Variants in FAM114A1 observed in about 807,000 individuals in gnomAD.
FAM114A1 encodes the protein family with sequence similarity 114 member A1.
A neutral mutation model predicts 64.3 loss-of-function variants in FAM114A1; 62 were observed. The observed-to-expected ratio is 0.96, with a 90% CI of 0.79 to 1.19. The LOEUF (loss-of-function observed/expected upper bound fraction) is 1.19, where lower values mean the gene tolerates loss of function less well. Ranked by LOEUF, FAM114A1 falls within the 50% of genes most tolerant of loss-of-function variation. The probability of loss-of-function intolerance (pLI) is 0.00; values close to 1 mark genes in which losing one functional copy is unlikely to be tolerated. For synonymous variants in FAM114A1, 254 were observed against 251.1 expected (o/e 1.01, Z -0.11); for missense variants, 645 against 676.3 (o/e 0.95, Z 0.51).
At chr4:38,890,320 G>A (rs142780910) in intron 3 of FAM114A1, among the ~76,000 whole-genome samples, 3,456 of 151,126 alleles carry the variant, frequency 0.023, 132 homozygotes, top group African/African-American at 0.077. Flanking sequence ...GGAGAATGGC[G>A]TGAACCCGGG....
At chr4:38,885,632 A>G (rs1331477198) in intron 3 of FAM114A1, among the ~76,000 whole-genome samples, 1 of 152,180 alleles carries the variant, frequency 6.6e-6, no homozygotes, top group African/African-American at 2.4e-5. Context: ...TGAGAATGCT[A>G]GTAAATAGTC....
At chr4:38,935,922 G>A in intron 13 of FAM114A1, 132 bp downstream of exon 13, 1 of 668,650 alleles carries the variant, frequency 1.5e-6, no homozygotes, top group Non-Finnish European at 2.6e-6. Flanking sequence ...CTGAAGTCAG[G>A]CCAAGAGTAA....
intron 7 of FAM114A1, among the ~76,000 whole-genome samples, chr4:38,908,975 G>C (rs1718288300): frequency 6.6e-6 from 1 of 152,142 alleles, no homozygotes; most frequent in Non-Finnish European, 1.5e-5. Context: ...TAGATCTATA[G>C]ATGCAGCTAT....
intron 11 of FAM114A1, among the ~76,000 whole-genome samples, chr4:38,931,997 T>A (rs1219498937): frequency 6.6e-6 from 1 of 152,204 alleles, no homozygotes; most frequent in Non-Finnish European, 1.5e-5. Context: ...TACCCAGCAT[T>A]GCTGTAAGCA....
At chr4:38,920,618 G>T (rs558422924) in intron 8 of FAM114A1, among the ~76,000 whole-genome samples, 1 of 152,270 alleles carries the variant, frequency 6.6e-6, no homozygotes, top group East Asian at 1.9e-4. Context: ...ATTGCCATCC[G>T]CCAGAAGACA....
intron 3 of FAM114A1, among the ~76,000 whole-genome samples, chr4:38,888,062 C>T (rs1413284401): frequency 6.6e-6 from 1 of 152,048 alleles, no homozygotes; most frequent in African/African-American, 2.4e-5. Context: ...CATATGTTTT[C>T]CATCTAAATG....
chr4:38,886,633 G>C (rs1427888983), intron 3 of FAM114A1, among the ~76,000 whole-genome samples: 2 of 151,834 alleles, frequency 1.3e-5, no homozygotes, highest in Non-Finnish European at 2.9e-5. Flanking sequence ...AGCATGTATA[G>C]AAATGTAGCC....
At chr4:38,931,025 A>G (rs1278340872) in intron 10 of FAM114A1, among the ~76,000 whole-genome samples, 2 of 152,206 alleles carry the variant, frequency 1.3e-5, no homozygotes, top group East Asian at 1.9e-4. Flanking sequence ...TTCCTGAAAT[A>G]TATCAGATGA....
At position 38,878,284 on chromosome 4, in the gene FAM114A1, C is replaced by T. The variant is rs762037660; in HGVS notation, c.206C>T (p.Pro69Leu). The T allele has an allele frequency of 6.2e-7, 1 of 1,614,102 alleles. No homozygotes were observed. Among genetic ancestry groups the T allele is most frequent in the African/African-American group, 1.3e-5 (1 of 74,940 alleles). The change falls in exon 3 of 15, where the codon CCT (proline) becomes CTT (leucine). Residue 69 changes from proline (P) to leucine (L), a missense_variant. By Grantham distance (98) the Pro-to-Leu change is moderately conservative. Coordinates refer to ENST00000358869, the MANE Select transcript of FAM114A1 (RefSeq NM_138389.4). ...QGAGAAAIGP[P>L]VQPQDANALE... is the part of the protein sequence containing the mutation. ...GCAGGGGCTGCCGCCATTGGGCCCC[C>T]TGTGCAGCCTCAGGATGCCAACGCC...
intron 6 of FAM114A1, among the ~76,000 whole-genome samples, chr4:38,907,553 TC>T (rs1718142394): frequency 6.6e-6 from 1 of 152,164 alleles, no homozygotes; most frequent in East Asian, 1.9e-4. Flanking sequence ...ATTGCTGCTG[TC>T]CCATCATCCC....
intron 9 of FAM114A1, among the ~76,000 whole-genome samples, chr4:38,928,804 C>T (rs574835564): frequency 1.3e-5 from 2 of 152,256 alleles, no homozygotes; most frequent in East Asian, 3.9e-4. Context: ...CACCTGGGTA[C>T]CATTAGGGTT....
At chr4:38,870,276 C>T (rs114746387) in intron 2 of FAM114A1, among the ~76,000 whole-genome samples, 3,494 of 152,298 alleles carry the variant, frequency 0.023, 141 homozygotes, top group Admixed American at 0.089. Flanking sequence ...TGCTCTCATC[C>T]CACCAGGCCT....
intron 4 of FAM114A1, among the ~76,000 whole-genome samples, chr4:38,893,200 G>T (rs1365432806): frequency 2.0e-5 from 3 of 152,268 alleles, no homozygotes; most frequent in Non-Finnish European, 4.4e-5. Flanking sequence ...TTTGAACTTA[G>T]TGGCTATCAA....
intron 10 of FAM114A1, among the ~76,000 whole-genome samples, chr4:38,929,879 T>C (rs1720488643): frequency 1.3e-5 from 2 of 152,258 alleles, no homozygotes; most frequent in Admixed American, 1.3e-4. Flanking sequence ...TGCATTTTAG[T>C]TGTAATTTTA....
intron 4 of FAM114A1, among the ~76,000 whole-genome samples, chr4:38,893,376 A>G (rs1007046532): frequency 2.6e-5 from 4 of 152,264 alleles, no homozygotes; most frequent in Admixed American, 2.0e-4. Flanking sequence ...TAAAACAGTC[A>G]TGTGTCCTGG....
intron 3 of FAM114A1, among the ~76,000 whole-genome samples, chr4:38,880,171 A>G (rs1175956496): frequency 3.1e-4 from 44 of 143,180 alleles, no homozygotes; most frequent in Non-Finnish European, 1.6e-5. Flanking sequence ...AATAGAATAG[A>G]ATAGAAAATA....
At chr4:38,881,040 C>G (rs1715216500) in intron 3 of FAM114A1, among the ~76,000 whole-genome samples, 1 of 151,972 alleles carries the variant, frequency 6.6e-6, no homozygotes, top group Admixed American at 6.6e-5. Context: ...CAAAAATTAG[C>G]CAGGTGTGGT....
intron 2 of FAM114A1, among the ~76,000 whole-genome samples, chr4:38,873,094 G>A (rs963083077): frequency 4.6e-5 from 7 of 152,094 alleles, no homozygotes; most frequent in African/African-American, 1.2e-4. Flanking sequence ...GGTTTCTATC[G>A]TTCTTTACTA....
chr4:38,915,905 T>A (rs939497531), intron 8 of FAM114A1, among the ~76,000 whole-genome samples: 13 of 152,236 alleles, frequency 8.5e-5, no homozygotes, highest in African/African-American at 2.2e-4. Context: ...TCAGGCTGAC[T>A]GTGCTCCGGA....
Sources: allele counts gnomAD v4.1 joint callset (sites outside exome capture counted in the v4.1 genomes callset), GRCh38; gene constraint gnomAD v4.1.1; transcripts MANE v1.5; gene names NCBI Gene and HGNC (gene_info 2026-07-23, HGNC 2026-07-21).